The following RNF13 variants were observed in gnomAD, a reference collection of about 807,000 sequenced individuals.
The protein encoded by RNF13 is E3 ubiquitin-protein ligase RNF13.
RNF13 carries 19 observed loss-of-function variants against 37.7 expected under a neutral mutation model. That is an observed-to-expected ratio of 0.50 (90% CI 0.35 to 0.74). The LOEUF (loss-of-function observed/expected upper bound fraction) is 0.74. Among genes scored for constraint, RNF13 ranks in the 30% least tolerant of loss-of-function variants. The pLI is 0.01. For synonymous variants in RNF13, 144 were observed against 157.8 expected (o/e 0.91, Z 0.65); for missense variants, 375 against 453.0 (o/e 0.83, Z 1.56).
chr3:149,959,100 G>A (rs1722138005), intron 8 of RNF13, among the ~76,000 whole-genome samples: 1 of 152,154 alleles, frequency 6.6e-6, no homozygotes, highest in Admixed American at 6.6e-5. Context: ...GAATTTAACT[G>A]TCTTTTGTCC....
chr3:149,952,313 C>T (rs1721422522), intron 8 of RNF13, among the ~76,000 whole-genome samples: 2 of 151,972 alleles, frequency 1.3e-5, no homozygotes, highest in Admixed American at 1.3e-4. Context: ...CCACTCAGAG[C>T]CGCAACAAAT....
At chr3:149,909,000 TAGA>T (rs775042544) in intron 6 of RNF13, among the ~76,000 whole-genome samples, 1 of 152,230 alleles carries the variant, frequency 6.6e-6, no homozygotes, top group Non-Finnish European at 1.5e-5. Flanking sequence ...GGCATGGACA[TAGA>T]GGCAGTGTGG....
At chr3:149,913,494 C>T (rs900680334) in intron 7 of RNF13, among the ~76,000 whole-genome samples, 7 of 152,174 alleles carry the variant, frequency 4.6e-5, no homozygotes, top group Non-Finnish European at 1.0e-4. Flanking sequence ...TGGTACATTA[C>T]TGTTAACTAA....
intron 4 of RNF13, chr3:149,893,785 T>C (rs1429470519): frequency 6.6e-6 from 1 of 152,204 alleles, no homozygotes; most frequent in African/African-American, 2.4e-5. Context: ...CATGTACTCA[T>C]ATGCAAAAAT....
In RNF13 at chr3:149,919,590, T is replaced by A. The variant is rs181669827; in HGVS notation, c.607-1544T>A. Among the ~76,000 whole-genome samples, 245 of 152,364 alleles carry A rather than the reference T, an allele frequency of 1.6e-3. 2 individuals are homozygous for A. The highest frequency in any genetic ancestry group is 5.8e-3 in the African/African-American group (240 of 41,586). On this transcript the variant is annotated intron_variant, in intron 7 of 9. Coordinates refer to ENST00000392894, the MANE Select transcript of RNF13 (RefSeq NM_183381.3). ...TTGAGTGCATGGATTGTTCATTCCT[T>A]TTTATTGCTGAGATATATTCCATTG...
At chr3:149,832,819 A>C (rs1335282723) in intron 1 of RNF13, among the ~76,000 whole-genome samples, 1 of 152,174 alleles carries the variant, frequency 6.6e-6, no homozygotes, top group Non-Finnish European at 1.5e-5. Context: ...ACAACCTCCC[A>C]ACACTGAATC....
chr3:149,935,204 T>C (rs912438583), intron 8 of RNF13, among the ~76,000 whole-genome samples: 1 of 152,208 alleles, frequency 6.6e-6, no homozygotes, highest in African/African-American at 2.4e-5. Flanking sequence ...TTCTTGCTCT[T>C]TTTTGTTTTC....
chr3:149,902,015 G>A (rs1715893774), intron 5 of RNF13, 57 bp from the exon 6 acceptor site: 1 of 731,872 alleles, frequency 1.4e-6, no homozygotes, highest in Admixed American at 3.1e-5. Context: ...ATGAAGAAAA[G>A]TTGATTATAC....
intron 4 of RNF13, among the ~76,000 whole-genome samples, chr3:149,889,003 A>G (rs2108478257): frequency 6.6e-6 from 1 of 152,270 alleles, no homozygotes; most frequent in Admixed American, 6.5e-5. Context: ...CAGTGGCGCG[A>G]TCTCAGCTCA....
chr3:149,929,994 C>T (rs148732089), intron 8 of RNF13, among the ~76,000 whole-genome samples: 4,052 of 152,218 alleles, frequency 0.027, 70 homozygotes, highest in South Asian at 0.037. Context: ...GGTGCAATCT[C>T]GGCTCACTGC....
At chr3:149,944,741 T>G (rs1720604283) in intron 8 of RNF13, among the ~76,000 whole-genome samples, 1 of 152,368 alleles carries the variant, frequency 6.6e-6, no homozygotes, top group Admixed American at 6.5e-5. Flanking sequence ...TGCAATAATT[T>G]TCTCCCATTC....
intron 1 of RNF13, among the ~76,000 whole-genome samples, chr3:149,820,817 C>G (rs1719932498): frequency 1.3e-5 from 2 of 152,174 alleles, no homozygotes; most frequent in African/African-American, 4.8e-5. Context: ...CCTGATGCCC[C>G]TAGCTCATGG....
At chr3:149,953,336 C>T (rs1721525090) in intron 8 of RNF13, among the ~76,000 whole-genome samples, 1 of 152,174 alleles carries the variant, frequency 6.6e-6, no homozygotes, top group Non-Finnish European at 1.5e-5. Context: ...AGCGCAGGCA[C>T]TATCATCTCA....
At chr3:149,917,185 C>T (rs955991483) in intron 7 of RNF13, among the ~76,000 whole-genome samples, 1 of 152,078 alleles carries the variant, frequency 6.6e-6, no homozygotes, top group African/African-American at 2.4e-5. Flanking sequence ...GGTTCAGCTC[C>T]ACCATCTTTG....
intron 8 of RNF13, 142 bp from the exon 9 acceptor site, chr3:149,959,914 C>A (rs1315290890): frequency 7.0e-6 from 4 of 571,108 alleles, no homozygotes; most frequent in Non-Finnish European, 1.3e-5. Flanking sequence ...ACTTCAGGTC[C>A]TAGGACTTAG....
At chr3:149,917,786 G>A (rs1352374691) in intron 7 of RNF13, among the ~76,000 whole-genome samples, 2 of 152,160 alleles carry the variant, frequency 1.3e-5, no homozygotes, top group African/African-American at 4.8e-5. Context: ...TTCCATGTGT[G>A]TGAAAAGATG....
intron 6 of RNF13, among the ~76,000 whole-genome samples, chr3:149,903,933 G>A (rs62268823): frequency 6.4e-5 from 9 of 141,224 alleles, no homozygotes; most frequent in African/African-American, 1.0e-4. Context: ...CTATATATCT[G>A]TCTATCTGTC....
chr3:149,886,596 A>T (rs1714060380), intron 4 of RNF13, among the ~76,000 whole-genome samples: 1 of 152,072 alleles, frequency 6.6e-6, no homozygotes, highest in Admixed American at 6.6e-5. Context: ...TTTTATTTCA[A>T]TTTCTTGCCT....
chr3:149,952,629 C>T (rs565144135), intron 8 of RNF13, among the ~76,000 whole-genome samples: 79 of 150,986 alleles, frequency 5.2e-4, no homozygotes, highest in African/African-American at 1.9e-3. Context: ...GATGGAGTTT[C>T]GCTCTTGTCG....
Sources: gnomAD v4.1 joint callset for allele counts (sites outside exome capture counted in the v4.1 genomes callset) on GRCh38, gnomAD v4.1.1 for gene constraint, MANE v1.5 for transcripts, NCBI Gene and HGNC (gene_info 2026-07-23, HGNC 2026-07-21) for gene names.